SEM1: variants seen among roughly 807,000 people sequenced by gnomAD.
The protein encoded by SEM1 is SEM1 26S proteasome subunit.
SEM1 carries 3 observed loss-of-function variants against 12.7 expected under a neutral mutation model. That is an observed-to-expected ratio of 0.24 (90% CI 0.11 to 0.61). The LOEUF (loss-of-function observed/expected upper bound fraction) is 0.61. Among genes scored for constraint, SEM1 ranks in the 20% least tolerant of loss-of-function variants. The pLI is 0.88. For synonymous variants in SEM1, 30 were observed against 27.8 expected (o/e 1.08, Z -0.25); for missense variants, 59 against 81.3 (o/e 0.73, Z 1.06).
chr7:96,639,361 T>G (rs1444955836), intron 2 of SEM1, among the ~76,000 whole-genome samples: 2 of 151,836 alleles, frequency 1.3e-5, no homozygotes, highest in South Asian at 4.1e-4. Flanking sequence ...ATCAAAACAA[T>G]GTGGTATTGG....
intron 2 of SEM1, among the ~76,000 whole-genome samples, chr7:96,508,852 A>C (rs990930931): frequency 2.6e-5 from 4 of 152,170 alleles, no homozygotes; most frequent in African/African-American, 9.7e-5. Context: ...AAATCTGGGA[A>C]AATTTATTTT....
At chr7:96,632,652 T>C (rs1024719991) in intron 2 of SEM1, among the ~76,000 whole-genome samples, 2 of 152,072 alleles carry the variant, frequency 1.3e-5, no homozygotes, top group South Asian at 4.1e-4. Flanking sequence ...TGTATACCTA[T>C]GTAACGAACC....
chr7:96,694,759 T>A (rs1790036678), intron 2 of SEM1, 39 bp downstream of exon 2: 2 of 1,262,416 alleles, frequency 1.6e-6, no homozygotes, highest in African/African-American at 1.5e-5. Context: ...TGCTTATAAT[T>A]AATACTGAAC....
chr7:96,613,131 T>C (rs1337151309), intron 2 of SEM1, among the ~76,000 whole-genome samples: 1 of 152,204 alleles, frequency 6.6e-6, no homozygotes, highest in East Asian at 1.9e-4. Flanking sequence ...GGAGACCTTT[T>C]GGGGTTGTTA....
At position 96,485,588 on chromosome 7, in the gene SEM1, G is replaced by C. The variant is rs1280212435; in HGVS notation, c.227+615C>G. ...GGTGGAGTCTCACTCTATTGCCCAGGCTGGAGTGCAGTGGTGCGATCTCGG... is the reference window on the plus strand; with the variant it reads ...GGTGGAGTCTCACTCTATTGCCCAGCCTGGAGTGCAGTGGTGCGATCTCGG... On this transcript the variant is annotated intron_variant, in intron 2 of 3. Transcript: ENST00000356686. Among the ~76,000 whole-genome samples, 3 of 128,090 alleles carry C rather than the reference G, an allele frequency of 2.3e-5. No individual in the cohort carries two copies. In the East Asian group the frequency reaches 6.5e-4, roughly 28 times the overall value. The allele number at this position is 128,090 out of a possible 152,430, so 84.0% of individuals were successfully genotyped here.
At chr7:96,584,922 T>A (rs911993352) in intron 2 of SEM1, among the ~76,000 whole-genome samples, 1 of 151,208 alleles carries the variant, frequency 6.6e-6, no homozygotes, top group South Asian at 2.1e-4. Flanking sequence ...AATGTCCTCC[T>A]GTAGCTCGGA....
chr7:96,564,153 A>G (rs1194988975), intron 2 of SEM1, among the ~76,000 whole-genome samples: 1 of 152,048 alleles, frequency 6.6e-6, no homozygotes, highest in Non-Finnish European at 1.5e-5. Context: ...AACTTATTAG[A>G]AGTTATTTAT....
chr7:96,662,127 A>T (rs1648598484), intron 2 of SEM1, among the ~76,000 whole-genome samples: 2 of 152,080 alleles, frequency 1.3e-5, no homozygotes, highest in African/African-American at 4.8e-5. Context: ...TTCCTCAAGG[A>T]TCTAGAACCA....
intron 2 of SEM1, among the ~76,000 whole-genome samples, chr7:96,625,039 T>A (rs373248786): frequency 4.8e-4 from 73 of 152,308 alleles, no homozygotes; most frequent in African/African-American, 1.7e-3. Context: ...CAGGACTCTA[T>A]GTTGCTTGAA....
chr7:96,501,600 G>A (rs1253823954), intron 3 of SEM1, among the ~76,000 whole-genome samples: 4 of 152,116 alleles, frequency 2.6e-5, no homozygotes, highest in African/African-American at 7.2e-5. Context: ...CTGTCATTGA[G>A]CACACTGAAC....
At chr7:96,484,585 G>T (rs527658902) in intron 3 of SEM1, among the ~76,000 whole-genome samples, 12 of 152,214 alleles carry the variant, frequency 7.9e-5, no homozygotes, top group African/African-American at 2.6e-4. Context: ...GACTCCACTG[G>T]AAAGTGTAAA....
chr7:96,567,449 A>G (rs1259071402), intron 2 of SEM1, among the ~76,000 whole-genome samples: 1 of 151,536 alleles, frequency 6.6e-6, no homozygotes, highest in African/African-American at 2.4e-5. Flanking sequence ...AAATTTAATC[A>G]TATATGTAAA....
In SEM1 at chr7:96,525,478, G is replaced by A. The variant is rs1024870893; in HGVS notation, c.171-18780C>T. On this transcript the variant is annotated intron_variant and NMD_transcript_variant, in intron 2 of 3. Coordinates refer to the SEM1 transcript ENST00000466986. The stretch of plus-strand genomic sequence containing the variant: ...TACAACTCGGATAGAGAGAAGACTG[G>A]AAGTGAGTTCTTTTACATTGTTGTG... Among the ~76,000 whole-genome samples the A allele has an allele frequency of 2.6e-5, 4 of 152,128 alleles. No homozygotes were observed. In the South Asian group the frequency reaches 8.3e-4, roughly 32 times the overall value.
intron 2 of SEM1, among the ~76,000 whole-genome samples, chr7:96,517,502 C>T (rs1466086916): frequency 1.3e-5 from 2 of 152,044 alleles, no homozygotes. Context: ...TAATGAAATT[C>T]TTTATCTTTC....
intron 2 of SEM1, among the ~76,000 whole-genome samples, chr7:96,516,823 G>C (rs753645151): frequency 1.3e-5 from 2 of 152,130 alleles, no homozygotes; most frequent in Non-Finnish European, 2.9e-5. Context: ...AAGGAACCAA[G>C]ATGTCCTTCA....
intron 2 of SEM1, among the ~76,000 whole-genome samples, chr7:96,631,830 T>G (rs184904764): frequency 1.8e-4 from 27 of 152,130 alleles, no homozygotes; most frequent in Admixed American, 1.6e-3. Flanking sequence ...ATATCCAGAA[T>G]CTACAAAGAA....
intron 1 of SEM1, 90 bp downstream of exon 1, chr7:96,709,598 C>A (rs62470387): frequency 0.11 from 136,938 of 1,235,992 alleles, 8,032 homozygotes; most frequent in East Asian, 0.14. Context: ...CCCGCCGGTG[C>A]CCCCAGCTGG....
chr7:96,646,924 T>C (rs960192471), intron 2 of SEM1, among the ~76,000 whole-genome samples: 4 of 152,170 alleles, frequency 2.6e-5, no homozygotes, highest in Non-Finnish European at 5.9e-5. Flanking sequence ...CCAGCCTTCA[T>C]TGGTTTTGAA....
chr7:96,482,091 C>G (rs1418553646), exon 4 of SEM1: 4 of 152,138 alleles, frequency 2.6e-5, no homozygotes, highest in Non-Finnish European at 5.9e-5. Flanking sequence ...TCTCATAACC[C>G]AGCACTATTT....
Sources: allele counts gnomAD v4.1 joint callset (sites outside exome capture counted in the v4.1 genomes callset), GRCh38; gene constraint gnomAD v4.1.1; transcripts MANE v1.5; gene names NCBI Gene and HGNC (gene_info 2026-07-23, HGNC 2026-07-21).